ARHGEF26: variants seen among roughly 807,000 people sequenced by gnomAD.
The protein encoded by ARHGEF26 is Rho guanine nucleotide exchange factor 26.
A neutral mutation model predicts 89.4 loss-of-function variants in ARHGEF26; 59 were observed. That is an observed-to-expected ratio of 0.66 (90% confidence interval 0.54 to 0.82). ARHGEF26 has a LOEUF of 0.82. Ranked by LOEUF, ARHGEF26 falls within the 40% of genes least tolerant of loss-of-function variation. ARHGEF26 has a pLI of 0.00. For missense variants in ARHGEF26, 1,234 were observed against 1,085.6 expected (o/e 1.14, Z -1.92); for synonymous variants, 500 against 428.4 (o/e 1.17, Z -2.06).
At chr3:154,148,069 G>A (rs960478937) in intron 4 of ARHGEF26, among the ~76,000 whole-genome samples, 6 of 152,160 alleles carry the variant, frequency 3.9e-5, no homozygotes, top group South Asian at 4.1e-4. Context: ...TGCCTCAGGT[G>A]GACAAAATGA....
At position 154,191,301 on chromosome 3, in the gene ARHGEF26, A is replaced by C. The variant is rs753860352; in HGVS notation, c.1653A>C (p.Pro551=). 4 of 1,611,104 alleles carry C rather than the reference A, an allele frequency of 2.5e-6. No individual in the cohort carries two copies. Among genetic ancestry groups the C allele is most frequent in the Non-Finnish European group, 3.4e-6 (4 of 1,178,686 alleles). Reference sequence around the variant, plus strand: ...TGTTTTCCCTCAGAGCTACCAATCCATCCTTTAAGGAAGTATTGTCAAGGA... The same window carrying C: ...TGTTTTCCCTCAGAGCTACCAATCCCTCCTTTAAGGAAGTATTGTCAAGGA... ...RTLQKLLATN[P]SFKEVLSRIE... The change falls in exon 8 of 15, where the codon CCA becomes CCC. Residue 551 remains proline (P), a synonymous_variant. Coordinates refer to ENST00000465093, the MANE Select transcript of ARHGEF26 (RefSeq NM_015595.4).
chr3:154,188,268 G>A (rs904321497), intron 7 of ARHGEF26, among the ~76,000 whole-genome samples: 6 of 152,130 alleles, frequency 3.9e-5, no homozygotes, highest in African/African-American at 9.7e-5. Flanking sequence ...AATTGACAAC[G>A]ATAATAAATT....
Position 154,180,056 on chromosome 3 carries a change from T to C in ARHGEF26, c.1488-7629T>C, listed in dbSNP as rs967506846. Among the ~76,000 whole-genome samples the C allele has an allele frequency of 3.9e-5, 6 of 152,278 alleles. No homozygotes were observed. The East Asian group carries it at 1.2e-3, about 29-fold the overall frequency. On this transcript the variant is annotated intron_variant, in intron 6 of 14. Transcript: ENST00000465093. ...TTTTGTATCGTGGCTTATGAATTTT[T>C]CTGTCTTCAAAGCCTACTGTGTACC...
At chr3:154,232,038 T>G (rs1326028829) in intron 11 of ARHGEF26, among the ~76,000 whole-genome samples, 1 of 152,168 alleles carries the variant, frequency 6.6e-6, no homozygotes, top group Admixed American at 6.5e-5. Flanking sequence ...AGTGTGGGGT[T>G]GCTGTATAAT....
intron 12 of ARHGEF26, among the ~76,000 whole-genome samples, chr3:154,248,528 T>G (rs1717930874): frequency 6.6e-6 from 1 of 152,134 alleles, no homozygotes; most frequent in Non-Finnish European, 1.5e-5. Flanking sequence ...AAATCTAAAT[T>G]CTAAGTCCAG....
At chr3:154,250,960 A>G (rs1389274394) in intron 12 of ARHGEF26, among the ~76,000 whole-genome samples, 2 of 100,892 alleles carry the variant, frequency 2.0e-5, no homozygotes, top group African/African-American at 1.0e-4. Flanking sequence ...TTTGTCCTGT[A>G]TTAGAGAGAG....
chr3:154,194,954 G>C (rs1714197041), intron 9 of ARHGEF26, among the ~76,000 whole-genome samples: 1 of 152,268 alleles, frequency 6.6e-6, no homozygotes, highest in East Asian at 1.9e-4. Flanking sequence ...TCTTTTGGTG[G>C]CTGAATAGCT....
At chr3:154,237,413 A>G (rs935877843) in intron 11 of ARHGEF26, among the ~76,000 whole-genome samples, 2 of 152,008 alleles carry the variant, frequency 1.3e-5, no homozygotes, top group Non-Finnish European at 1.5e-5. Flanking sequence ...ATGGTGGTGC[A>G]TGCCTGTAAT....
intron 10 of ARHGEF26, among the ~76,000 whole-genome samples, chr3:154,220,926 A>T (rs2108252759): frequency 6.6e-6 from 1 of 152,314 alleles, no homozygotes; most frequent in African/African-American, 2.4e-5. Context: ...ACATATAGAC[A>T]AAGGGTAAAT....
chr3:154,146,505 A>T (rs930286210), intron 4 of ARHGEF26, among the ~76,000 whole-genome samples: 2 of 152,216 alleles, frequency 1.3e-5, no homozygotes, highest in African/African-American at 4.8e-5. Context: ...CTAACTAGAC[A>T]GCATCATATC....
At chr3:154,221,316 C>T (rs1265284036) in intron 10 of ARHGEF26, among the ~76,000 whole-genome samples, 2 of 152,102 alleles carry the variant, frequency 1.3e-5, no homozygotes, top group African/African-American at 4.8e-5. Flanking sequence ...ATAAATAATT[C>T]AAAAGTTTGA....
chr3:154,187,029 C>T (rs1188361896), intron 6 of ARHGEF26: 1 of 149,806 alleles, frequency 6.7e-6, no homozygotes, highest in South Asian at 2.2e-4. Context: ...GTAGATGGGA[C>T]TACAGCTGCG....
intron 6 of ARHGEF26, among the ~76,000 whole-genome samples, chr3:154,184,053 A>T (rs941091546): frequency 6.7e-6 from 1 of 149,920 alleles, no homozygotes; most frequent in Non-Finnish European, 1.5e-5. Flanking sequence ...GCTCACTGCA[A>T]GCTCCACCTC....
At chr3:154,160,203 A>G (rs779955367) in intron 6 of ARHGEF26, among the ~76,000 whole-genome samples, 32 of 152,210 alleles carry the variant, frequency 2.1e-4, no homozygotes, top group Non-Finnish European at 3.2e-4. Flanking sequence ...TATTTTCACA[A>G]TACTTCAAAG....
intron 12 of ARHGEF26, among the ~76,000 whole-genome samples, chr3:154,251,551 A>G (rs1483866447): frequency 6.6e-6 from 1 of 152,192 alleles, no homozygotes; most frequent in Non-Finnish European, 1.5e-5. Flanking sequence ...TGCTTTTATG[A>G]GGCTTACTGT....
In ARHGEF26 at chr3:154,122,257, A is replaced by G. The variant is rs1397952050; in HGVS notation, c.265A>G (p.Arg89Gly). The stretch of plus-strand genomic sequence containing the variant: ...CCCCCTGCTTCTGGGCGCCCAGCGG[A>G]GAGCGGTGGCCAATGGTGGGACGGC... Reference protein sequence around the residue: ...RSPLLLGAQRRAVANGGTASP... With the variant: ...RSPLLLGAQRGAVANGGTASP... Residue 89 changes from arginine (R) to glycine (G), a missense_variant, in exon 2 of 15, where the codon AGA (arginine) becomes GGA (glycine). Transcript: ENST00000465093. 3.7e-6 allele frequency: 6 copies of G among 1,612,050 alleles called. No individual in the cohort carries two copies. The highest frequency in any genetic ancestry group is 5.1e-6 in the Non-Finnish European group (6 of 1,179,554).
intron 6 of ARHGEF26, among the ~76,000 whole-genome samples, chr3:154,160,155 A>G (rs1359208607): frequency 2.0e-5 from 3 of 152,170 alleles, no homozygotes; most frequent in African/African-American, 7.2e-5. Context: ...CTATCCTGAG[A>G]TTAATGACAA....
Position 154,201,574 on chromosome 3 carries a change from G to T in ARHGEF26, c.1845+6856G>T, listed in dbSNP as rs1233480840. ...TCTAGTTCTAGATCCCTGAGGAATC[G>T]CCACACTGACTTCCACAATGGTTGA... On this transcript the variant is annotated intron_variant, in intron 9 of 14. Transcript: ENST00000465093. 2.6e-5 allele frequency among the ~76,000 whole-genome samples: 4 copies of T among 152,104 alleles called. No individual in the cohort carries two copies. In the South Asian group the frequency reaches 6.2e-4, roughly 24 times the overall value.
intron 11 of ARHGEF26, among the ~76,000 whole-genome samples, chr3:154,235,640 T>C (rs1717078802): frequency 6.6e-6 from 1 of 152,240 alleles, no homozygotes; most frequent in Non-Finnish European, 1.5e-5. Context: ...TCTTGTTTTT[T>C]ACTTTTACTT....
Sources: allele counts gnomAD v4.1 joint callset (sites outside exome capture counted in the v4.1 genomes callset), GRCh38; gene constraint gnomAD v4.1.1; transcripts MANE v1.5; gene names NCBI Gene and HGNC (gene_info 2026-07-23, HGNC 2026-07-21).